Variants in PTPRR observed in about 807,000 individuals in gnomAD.
PTPRR encodes the protein receptor-type tyrosine-protein phosphatase R.
Under a neutral mutation model 77.2 loss-of-function variants are expected in PTPRR, and 38 were observed. The ratio of observed to expected loss-of-function variants is 0.49; its 90% confidence interval spans 0.38 to 0.65. The LOEUF is 0.65. PTPRR is among the 30% of genes least tolerant of loss of function. The probability of loss-of-function intolerance (pLI) is 0.00; values close to 1 mark genes in which losing one functional copy is unlikely to be tolerated. For synonymous variants in PTPRR, 299 were observed against 283.1 expected, an observed-to-expected ratio of 1.06 and a Z score of -0.57; for missense variants, 744 against 799.2, an observed-to-expected ratio of 0.93 and a Z score of 0.83.
chr12:70,678,048 C>CT (rs556084401), intron 10 of PTPRR, among the ~76,000 whole-genome samples: 8 of 149,320 alleles, frequency 5.4e-5, no homozygotes, highest in African/African-American at 1.2e-4. Flanking sequence ...CAATGGGATA[C>CT]TTTTTTTTTT....
At chr12:70,884,515 A>G (rs1349692646) in intron 2 of PTPRR, among the ~76,000 whole-genome samples, 1 of 152,194 alleles carries the variant, frequency 6.6e-6, no homozygotes, top group African/African-American at 2.4e-5. Context: ...CAGAGAAAAG[A>G]TACTATTTTT....
chr12:70,718,422 T>C (rs1889116720), intron 6 of PTPRR, among the ~76,000 whole-genome samples: 1 of 152,128 alleles, frequency 6.6e-6, no homozygotes, highest in Admixed American at 6.6e-5. Context: ...TGTGCCACCA[T>C]GCTCAGCTAA....
chr12:70,872,463 A>C lies in PTPRR; in HGVS notation c.357+20216T>G, dbSNP rs144012507. Among the ~76,000 whole-genome samples the C allele has an allele frequency of 1.0e-3, 156 of 152,096 alleles. 2 individuals carry two copies. The East Asian group carries it at 0.029, about 29-fold the overall frequency. ...GTAATCCCAGCACTTTGGGAGGCCG[A>C]GGCAGGCGGATCATGAGGTCAGGAG... On this transcript the variant is annotated intron_variant, in intron 2 of 13. Coordinates refer to ENST00000283228, the MANE Select transcript of PTPRR (RefSeq NM_002849.4).
At chr12:70,770,605 C>G (rs1231062744) in intron 2 of PTPRR, among the ~76,000 whole-genome samples, 1 of 152,112 alleles carries the variant, frequency 6.6e-6, no homozygotes, top group Non-Finnish European at 1.5e-5. Flanking sequence ...AGTGATTCCT[C>G]AGGGATCTAG....
chr12:70,679,384 T>C (rs1314907525), intron 10 of PTPRR, among the ~76,000 whole-genome samples: 1 of 152,214 alleles, frequency 6.6e-6, no homozygotes, highest in Non-Finnish European at 1.5e-5. Flanking sequence ...TGAAATATTC[T>C]GTAAATATCT....
At chr12:70,735,119 C>CT (rs1889817139) in intron 6 of PTPRR, among the ~76,000 whole-genome samples, 1 of 152,126 alleles carries the variant, frequency 6.6e-6, no homozygotes, top group African/African-American at 2.4e-5. Context: ...AAGAGAACAG[C>CT]TTGATGCTCA....
chr12:70,856,839 G>T (rs1314386772), intron 2 of PTPRR, among the ~76,000 whole-genome samples: 1 of 151,212 alleles, frequency 6.6e-6, no homozygotes, highest in Non-Finnish European at 1.5e-5. Context: ...TGGAGTGGGG[G>T]AGAGAGGGGG....
intron 2 of PTPRR, chr12:70,788,796 A>G (rs1891373397): frequency 6.8e-7 from 1 of 1,461,664 alleles, no homozygotes; most frequent in Non-Finnish European, 9.3e-7. Flanking sequence ...CCCTCTGCCT[A>G]TCATGAGAGA....
rs61539990 is a variant in PTPRR, at chr12:70,821,213, C to CTTTTTTTTTTTTTTTTTTTTTTT, written c.358-56458_358-56436dup. Among the ~76,000 whole-genome samples the CTTTTTTTTTTTTTTTTTTTTTTT allele has an allele frequency of 5.9e-3, 188 of 31,992 alleles. 47 individuals carry two copies. The Middle Eastern group carries it at 0.1, about 17-fold the overall frequency. 21.0% of individuals were successfully genotyped at this position (31,992 alleles called of 152,430 possible). ...CAAAACATGTTGAAAGGGATCACTGCTTTTTTTTTTTTTTTTTTTTTTTTT... is the reference window on the plus strand; with the variant it reads ...CAAAACATGTTGAAAGGGATCACTGCTTTTTTTTTTTTTTTTTTTTTTTTTTTTTTTTTTTTTTTTTTTTTTTT... On this transcript the variant is annotated intron_variant, in intron 2 of 13. Transcript: ENST00000283228.
Position 70,656,284 on chromosome 12 carries a change from C to T in PTPRR, c.1880+420G>A, listed in dbSNP as rs939707635. ...GTGGCTCATGCCTGTAATCTCAGCG[C>T]TTTGGGAAGCCCAAGTGGGAGATTC... On this transcript the variant is annotated intron_variant, in intron 13 of 13. Transcript: ENST00000283228. 2.6e-5 allele frequency among the ~76,000 whole-genome samples: 4 copies of T among 152,202 alleles called. No individual in the cohort carries two copies. In the East Asian group the frequency reaches 7.7e-4, roughly 29 times the overall value.
rs901057824 is a variant in PTPRR at position 70,786,417 on chromosome 12, T to A, written c.358-21639A>T. Among the ~76,000 whole-genome samples the A allele has an allele frequency of 5.3e-4, 81 of 152,258 alleles. 1 individual carries two copies. Among genetic ancestry groups the A allele is most frequent in the African/African-American group, 1.8e-3 (74 of 41,566 alleles). On this transcript the variant is annotated intron_variant, in intron 2 of 13. Coordinates refer to ENST00000283228, the MANE Select transcript of PTPRR (RefSeq NM_002849.4). Reference sequence around the variant, plus strand: ...TGAATATATAAATACTACTCTTTTTTAAAAAAATTAAGAAATTAAAAGTCC... The same window carrying A: ...TGAATATATAAATACTACTCTTTTTAAAAAAAATTAAGAAATTAAAAGTCC...
chr12:70,896,022 A>G (rs1893421752), intron 1 of PTPRR, among the ~76,000 whole-genome samples: 3 of 151,668 alleles, frequency 2.0e-5, no homozygotes, highest in Admixed American at 1.3e-4. Flanking sequence ...TGATATGGAC[A>G]CATTTAAAGT....
chr12:70,743,022 A>G (rs1244050118), intron 6 of PTPRR, among the ~76,000 whole-genome samples: 1 of 152,222 alleles, frequency 6.6e-6, no homozygotes, highest in Non-Finnish European at 1.5e-5. Context: ...CTGGATTTCA[A>G]CAGAAAGGTA....
At chr12:70,772,014 GATA>G (rs1459079956) in intron 2 of PTPRR, among the ~76,000 whole-genome samples, 2 of 151,994 alleles carry the variant, frequency 1.3e-5, no homozygotes, top group East Asian at 1.9e-4. Flanking sequence ...ATCAAATTAT[GATA>G]ATATCATAAT....
intron 2 of PTPRR, among the ~76,000 whole-genome samples, chr12:70,807,783 T>C (rs1476877660): frequency 1.3e-5 from 2 of 152,214 alleles, no homozygotes; most frequent in African/African-American, 4.8e-5. Flanking sequence ...GTCTTTACTT[T>C]AATCTCTTAA....
chr12:70,771,838 C>A (rs1372359233), intron 2 of PTPRR, among the ~76,000 whole-genome samples: 1 of 152,072 alleles, frequency 6.6e-6, no homozygotes, highest in Admixed American at 6.6e-5. Flanking sequence ...CAGTGCAAGG[C>A]AAAAGAATGA....
intron 2 of PTPRR, among the ~76,000 whole-genome samples, chr12:70,876,309 A>C (rs1354273002): frequency 6.6e-6 from 1 of 152,138 alleles, no homozygotes; most frequent in Non-Finnish European, 1.5e-5. Context: ...CTCTTTCTCC[A>C]AAGATTTCTA....
At chr12:70,785,658 C>G (rs1017736659) in intron 2 of PTPRR, among the ~76,000 whole-genome samples, 5 of 152,018 alleles carry the variant, frequency 3.3e-5, no homozygotes, top group African/African-American at 1.2e-4. Context: ...CATTTCTATG[C>G]TTTGTGACTT....
chr12:70,717,571 C>T (rs550852534), intron 6 of PTPRR, among the ~76,000 whole-genome samples: 1 of 152,284 alleles, frequency 6.6e-6, no homozygotes, highest in African/African-American at 2.4e-5. Flanking sequence ...AGCTCTATCA[C>T]ATTTTTGTAA....
Sources: allele counts gnomAD v4.1 joint callset (sites outside exome capture counted in the v4.1 genomes callset), GRCh38; gene constraint gnomAD v4.1.1; transcripts MANE v1.5; gene names NCBI Gene and HGNC (gene_info 2026-07-23, HGNC 2026-07-21).